Variants in FGF12 observed in about 807,000 individuals in gnomAD.
FGF12 encodes fibroblast growth factor 12B.
A neutral mutation model predicts 23.6 loss-of-function variants in FGF12; 14 were observed. The observed-to-expected ratio is 0.59, with a 90% CI of 0.39 to 0.93. FGF12 has a LOEUF of 0.93. FGF12 is among the 40% of genes least tolerant of loss of function. FGF12 has a pLI of 0.00. For missense variants in FGF12, 175 were observed against 217.8 expected, an observed-to-expected ratio of 0.80 and a Z score of 1.24; for synonymous variants, 62 against 77.3, an observed-to-expected ratio of 0.80 and a Z score of 1.04.
At chr3:192,166,605 T>C (rs1239792965) in intron 5 of FGF12, among the ~76,000 whole-genome samples, 1 of 152,242 alleles carries the variant, frequency 6.6e-6, no homozygotes, top group East Asian at 1.9e-4. Flanking sequence ...AATATCTCTG[T>C]GTTTCATTTT....
intron 4 of FGF12, among the ~76,000 whole-genome samples, chr3:192,252,732 A>G (rs1433459086): frequency 6.6e-6 from 1 of 152,040 alleles, no homozygotes; most frequent in Non-Finnish European, 1.5e-5. Flanking sequence ...AGAAAAGAAA[A>G]AAACTTACTG....
In FGF12 at chr3:192,593,821, C is replaced by T. The variant is rs79957460; in HGVS notation, c.13+133360G>A. The stretch of plus-strand genomic sequence containing the variant: ...GAGGCTTGAAAGATACTGGCTCAAA[C>T]GGTAGAAGGCTCTGGAACAAAGGAA... On this transcript the variant is annotated intron_variant, in intron 2 of 5. Coordinates refer to ENST00000445105, the MANE Select transcript of FGF12 (RefSeq NM_004113.6). Among the ~76,000 whole-genome samples the T allele has an allele frequency of 6.5e-3, 984 of 151,788 alleles. 18 individuals carry two copies. Among genetic ancestry groups the T allele is most frequent in the African/African-American group, 0.022 (926 of 41,456 alleles).
rs546704532 is a variant in FGF12 at position 192,637,402 on chromosome 3, T to C, written c.13+89779A>G. On this transcript the variant is annotated intron_variant, in intron 2 of 5. Coordinates refer to ENST00000445105, the MANE Select transcript of FGF12 (RefSeq NM_004113.6). ...TGGCCCCTGACAGTTATTAGCATGG[T>C]GCCCCAAACATCTATAGGCAATATG... is the stretch of plus-strand genomic sequence containing the variant. Among the ~76,000 whole-genome samples the C allele has an allele frequency of 2.0e-5, 3 of 152,294 alleles. No homozygotes were observed. The East Asian group carries it at 5.8e-4, about 29-fold the overall frequency.
intron 2 of FGF12, among the ~76,000 whole-genome samples, chr3:192,595,997 G>A (rs1359498247): frequency 1.3e-5 from 2 of 151,838 alleles, no homozygotes; most frequent in South Asian, 2.1e-4. Context: ...GGAGGCTGAG[G>A]TGGGAGGATG....
chr3:192,647,102 T>G (rs112102389), intron 2 of FGF12, among the ~76,000 whole-genome samples: 3 of 152,170 alleles, frequency 2.0e-5, no homozygotes, highest in Non-Finnish European at 4.4e-5. Context: ...AATTTTTTAC[T>G]TGGAAAGAAA....
At chr3:192,519,359 C>T (rs1724757630) in intron 2 of FGF12, among the ~76,000 whole-genome samples, 1 of 152,050 alleles carries the variant, frequency 6.6e-6, no homozygotes, top group African/African-American at 2.4e-5. Context: ...TGGATTTGTC[C>T]AATGTCTTCT....
intron 2 of FGF12, among the ~76,000 whole-genome samples, chr3:192,444,781 T>G (rs575522864): frequency 6.6e-6 from 1 of 152,306 alleles, no homozygotes; most frequent in South Asian, 2.1e-4. Flanking sequence ...TTAAGAGAAT[T>G]GTATTTTTAA....
chr3:192,536,099 G>A (rs1312568272), intron 2 of FGF12, among the ~76,000 whole-genome samples: 4 of 151,922 alleles, frequency 2.6e-5, no homozygotes, highest in East Asian at 3.9e-4. Context: ...ATTTCACCAC[G>A]CTCAACGGTC....
chr3:192,305,854 GTTTTT>G (rs755560177), intron 4 of FGF12, among the ~76,000 whole-genome samples: 3 of 77,444 alleles, frequency 3.9e-5, no homozygotes, highest in African/African-American at 1.3e-4. Context: ...CATCTCTCTG[GTTTTT>G]TTTTTTTTTT....
intron 2 of FGF12, among the ~76,000 whole-genome samples, chr3:192,439,793 G>A (rs1416746746): frequency 1.3e-5 from 2 of 152,108 alleles, no homozygotes; most frequent in Non-Finnish European, 1.5e-5. Context: ...TGGCAAAGAT[G>A]GTGAAACCCC....
intron 2 of FGF12, among the ~76,000 whole-genome samples, chr3:192,567,069 T>C (rs1173152891): frequency 6.6e-6 from 1 of 152,184 alleles, no homozygotes; most frequent in Non-Finnish European, 1.5e-5. Context: ...GTCTACTTCT[T>C]ACCACCACTC....
intron 2 of FGF12, among the ~76,000 whole-genome samples, chr3:192,509,658 G>A (rs369340271): frequency 1.3e-5 from 2 of 152,136 alleles, no homozygotes; most frequent in African/African-American, 4.8e-5. Flanking sequence ...AAAAGAGATC[G>A]ATATCATTTA....
intron 4 of FGF12, among the ~76,000 whole-genome samples, chr3:192,176,187 C>T (rs1190480356): frequency 6.6e-6 from 1 of 152,160 alleles, no homozygotes; most frequent in Non-Finnish European, 1.5e-5. Context: ...CTTGCAATGC[C>T]CCCACTTCCT....
At chr3:192,213,904 A>C (rs891355831) in intron 4 of FGF12, among the ~76,000 whole-genome samples, 2 of 152,212 alleles carry the variant, frequency 1.3e-5, no homozygotes, top group Non-Finnish European at 2.9e-5. Flanking sequence ...TGGGCATTTG[A>C]CTGTGAGTGA....
intron 5 of FGF12, among the ~76,000 whole-genome samples, chr3:192,158,382 CTT>C (rs145453891): frequency 1.2e-5 from 1 of 81,466 alleles, no homozygotes; most frequent in Non-Finnish European, 2.5e-5. Context: ...TTCTTTCTTT[CTT>C]TTCTTTCTCT....
intron 2 of FGF12, among the ~76,000 whole-genome samples, chr3:192,665,163 C>A (rs1187713368): frequency 6.6e-6 from 1 of 152,004 alleles, no homozygotes; most frequent in East Asian, 1.9e-4. Flanking sequence ...GCATGTTACA[C>A]ATTAGTAATA....
At chr3:192,572,422 C>A (rs1206709878) in intron 2 of FGF12, among the ~76,000 whole-genome samples, 1 of 152,032 alleles carries the variant, frequency 6.6e-6, no homozygotes, top group Non-Finnish European at 1.5e-5. Context: ...GATGAGCAGG[C>A]AGGTGATTTA....
Position 192,144,146 on chromosome 3 carries a change from A to T in FGF12, c.428-19T>A, listed in dbSNP as rs775312046. ...ATACACACTGAAAGGCAAAATAACA[A>T]AAATTACTTATGACAGTGGACATAA... On this transcript the variant is annotated intron_variant, in intron 5 of 5. Coordinates refer to ENST00000445105, the MANE Select transcript of FGF12 (RefSeq NM_004113.6). 2.1e-6 allele frequency: 3 copies of T among 1,447,598 alleles called. No individual in the cohort carries two copies. Among genetic ancestry groups the T allele is most frequent in the Non-Finnish European group, 2.9e-6 (3 of 1,033,524 alleles). 89.7% of individuals were successfully genotyped at this position (1,447,598 alleles called of 1,614,324 possible).
chr3:192,209,615 T>C (rs183256647), intron 4 of FGF12, among the ~76,000 whole-genome samples: 36 of 152,318 alleles, frequency 2.4e-4, no homozygotes, highest in African/African-American at 7.9e-4. Context: ...TCACAAATAA[T>C]GATGATGCAA....
Sources: allele counts gnomAD v4.1 joint callset (sites outside exome capture counted in the v4.1 genomes callset), GRCh38; gene constraint gnomAD v4.1.1; transcripts MANE v1.5; gene names NCBI Gene and HGNC (gene_info 2026-07-23, HGNC 2026-07-21).